The following VWC2 variants were observed in gnomAD, a reference collection of about 807,000 sequenced individuals.
VWC2 encodes the protein von Willebrand factor C domain containing 2, also known as brorin.
A neutral mutation model predicts 29.8 loss-of-function variants in VWC2; 14 were observed. The ratio of observed to expected loss-of-function variants is 0.47; its 90% CI spans 0.31 to 0.74. The LOEUF is 0.74. Ranked by LOEUF, VWC2 falls within the 30% of genes least tolerant of loss-of-function variation. The probability of loss-of-function intolerance (pLI) is 0.05; values close to 1 mark genes in which losing one functional copy is unlikely to be tolerated. For missense variants in VWC2, 457 were observed against 459.8 expected (o/e 0.99, Z 0.05); for synonymous variants, 213 against 199.0 (o/e 1.07, Z -0.59).
chr7:49,919,804 TCTGA>T lies in VWC2; in HGVS notation c.*7623_*7626del, dbSNP rs1042518895. ...AGGTCTATCTATTGCTCCCACCTGC[TCTGA>T]CTGTTTTCTCTCAAGAAAAAGATTT... is the stretch of plus-strand genomic sequence containing the variant. On this transcript the variant is annotated 3_prime_UTR_variant, in exon 4 of 4. Coordinates refer to ENST00000340652, the MANE Select transcript of VWC2 (RefSeq NM_198570.5). 2.6e-5 allele frequency: 4 copies of T among 152,284 alleles called. No homozygotes were observed. The highest frequency in any genetic ancestry group is 4.4e-5 in the Non-Finnish European group (3 of 68,032). The allele number at this position is 152,284 out of a possible 1,614,324, so 9.4% of individuals were successfully genotyped here. A position where few individuals can be genotyped will look rare whatever the true frequency, so the allele number is the denominator to read the frequency against.
chr7:49,900,184 T>G (rs7794641), intron 3 of VWC2, among the ~76,000 whole-genome samples: 115,926 of 151,498 alleles, frequency 0.77, 44,540 homozygotes, highest in East Asian at 0.89. Flanking sequence ...AAAGCAGGAC[T>G]TTAGGGACAT....
chr7:49,789,272 G>GC (rs1562705506), intron 2 of VWC2, among the ~76,000 whole-genome samples: 2 of 130,448 alleles, frequency 1.5e-5, no homozygotes, highest in African/African-American at 7.0e-5. Flanking sequence ...TGTGTGAGCG[G>GC]GTGTGTGTGA....
In VWC2 at chr7:49,775,744, C is replaced by A. The variant is rs922960183; in HGVS notation, c.309C>A (p.Gly103=). 2.0e-6 allele frequency: 3 copies of A among 1,510,936 alleles called. No homozygotes were observed. Among genetic ancestry groups the A allele is most frequent in the Admixed American group, 4.3e-5 (2 of 46,572 alleles). 93.6% of individuals were successfully genotyped at this position (1,510,936 alleles called of 1,614,324 possible). A position where few individuals can be genotyped will look rare whatever the true frequency, so the allele number is the denominator to read the frequency against. The change falls in exon 2 of 4, where the codon GGC becomes GGA. Residue 103 remains glycine (G), a synonymous_variant. Coordinates refer to ENST00000340652, the MANE Select transcript of VWC2 (RefSeq NM_198570.5). ...LKQAWVSQGG[G]AKAGDLQVRP... The stretch of plus-strand genomic sequence containing the variant: ...AGGCCTGGGTCTCCCAGGGCGGGGG[C>A]GCCAAGGCCGGGGATCTGCAGGTCC...
chr7:49,850,215 T>C (rs1259855778), intron 3 of VWC2, among the ~76,000 whole-genome samples: 1 of 152,192 alleles, frequency 6.6e-6, no homozygotes, highest in Non-Finnish European at 1.5e-5. Context: ...CTGTCATCAA[T>C]GAAGGTTTGA....
intron 2 of VWC2, among the ~76,000 whole-genome samples, chr7:49,783,966 G>A (rs1388921704): frequency 6.6e-6 from 1 of 152,084 alleles, no homozygotes; most frequent in Non-Finnish European, 1.5e-5. Context: ...ACATTTCCAA[G>A]TATCCAAGAA....
chr7:49,797,356 T>C (rs1228254622), intron 2 of VWC2, among the ~76,000 whole-genome samples: 1 of 152,158 alleles, frequency 6.6e-6, no homozygotes, highest in African/African-American at 2.4e-5. Context: ...TGCTCATGAG[T>C]GGGCAGTGCA....
At chr7:49,889,846 C>G (rs1216646090) in intron 3 of VWC2, among the ~76,000 whole-genome samples, 1 of 152,176 alleles carries the variant, frequency 6.6e-6, no homozygotes, top group Non-Finnish European at 1.5e-5. Flanking sequence ...AGTATGCCGT[C>G]ATTCACGCTT....
rs71018432 is a variant in VWC2 at position 49,875,369 on chromosome 7, C to CAAAAAAAAAAA, written c.827-36647_827-36637dup. ...TGGGTAACAGAGTGAGATTCTGACTCAAAAAAAAAAAAAAAAAAAAAAAAA... is the reference window on the plus strand; with the variant it reads ...TGGGTAACAGAGTGAGATTCTGACTCAAAAAAAAAAAAAAAAAAAAAAAAAAAAAAAAAAAA... On this transcript the variant is annotated intron_variant, in intron 3 of 3. Coordinates refer to ENST00000340652, the MANE Select transcript of VWC2 (RefSeq NM_198570.5). 9.9e-3 allele frequency among the ~76,000 whole-genome samples: 188 copies of CAAAAAAAAAAA among 19,020 alleles called. 47 individuals are homozygous for CAAAAAAAAAAA. The highest frequency in any genetic ancestry group is 0.042 in the East Asian group (13 of 308). The allele number at this position is 19,020 out of a possible 152,430, so 12.5% of individuals were successfully genotyped here. A position where few individuals can be genotyped will look rare whatever the true frequency, so the allele number is the denominator to read the frequency against.
intron 3 of VWC2, among the ~76,000 whole-genome samples, chr7:49,838,012 T>C (rs1789704133): frequency 6.6e-6 from 1 of 152,206 alleles, no homozygotes. Context: ...TGCAGCTCAC[T>C]GGAAGCAATT....
intron 2 of VWC2, among the ~76,000 whole-genome samples, chr7:49,794,928 A>G (rs1038667783): frequency 2.6e-5 from 4 of 152,202 alleles, no homozygotes; most frequent in African/African-American, 9.7e-5. Context: ...CACTGCCTTT[A>G]AAACTCTCAA....
intron 3 of VWC2, among the ~76,000 whole-genome samples, chr7:49,811,242 C>A (rs1480595180): frequency 6.6e-6 from 1 of 152,044 alleles, no homozygotes; most frequent in Non-Finnish European, 1.5e-5. Context: ...GACAAATAAC[C>A]AATTAAGATG....
intron 3 of VWC2, among the ~76,000 whole-genome samples, chr7:49,843,809 T>C (rs1045359004): frequency 3.7e-4 from 57 of 152,204 alleles, no homozygotes; most frequent in African/African-American, 1.2e-3. Flanking sequence ...TGGGCACTGA[T>C]GTGATGACAG....
chr7:49,852,657 C>G (rs561482962), intron 3 of VWC2, among the ~76,000 whole-genome samples: 1 of 152,124 alleles, frequency 6.6e-6, no homozygotes, highest in East Asian at 1.9e-4. Flanking sequence ...CTCCCCTCTT[C>G]AGAAAGAGCC....
intron 3 of VWC2, among the ~76,000 whole-genome samples, chr7:49,817,599 C>T (rs532871432): frequency 1.3e-5 from 2 of 152,216 alleles, no homozygotes; most frequent in Non-Finnish European, 2.9e-5. Context: ...CTTACACTAA[C>T]AGCAAAACCC....
chr7:49,777,661 A>G (rs1002402493), intron 2 of VWC2, among the ~76,000 whole-genome samples: 1 of 152,150 alleles, frequency 6.6e-6, no homozygotes, highest in African/African-American at 2.4e-5. Context: ...CATATGAACC[A>G]CGCCCAGGCC....
intron 3 of VWC2, among the ~76,000 whole-genome samples, chr7:49,825,615 C>G (rs1562719935): frequency 6.6e-6 from 1 of 152,180 alleles, no homozygotes; most frequent in Non-Finnish European, 1.5e-5. Context: ...TTTATGCTGG[C>G]ATTTTGGGCC....
At chr7:49,814,604 C>G (rs899698676) in intron 3 of VWC2, among the ~76,000 whole-genome samples, 2 of 152,136 alleles carry the variant, frequency 1.3e-5, no homozygotes, top group Non-Finnish European at 2.9e-5. Flanking sequence ...GGCTGAAGTA[C>G]TTTTCAGAAT....
chr7:49,849,168 C>T (rs1790076449), intron 3 of VWC2, among the ~76,000 whole-genome samples: 1 of 152,166 alleles, frequency 6.6e-6, no homozygotes, highest in South Asian at 2.1e-4. Flanking sequence ...CCAGGGAAAC[C>T]CCACTGGATC....
intron 2 of VWC2, among the ~76,000 whole-genome samples, chr7:49,789,837 C>T (rs970649953): frequency 6.6e-6 from 1 of 152,250 alleles, no homozygotes; most frequent in Admixed American, 6.5e-5. Flanking sequence ...AATAATTCTA[C>T]AAAGATTTCA....
Sources: allele counts gnomAD v4.1 joint callset (sites outside exome capture counted in the v4.1 genomes callset), GRCh38; gene constraint gnomAD v4.1.1; transcripts MANE v1.5; gene names NCBI Gene and HGNC (gene_info 2026-07-23, HGNC 2026-07-21).